Variants in TBC1D15 observed in about 807,000 individuals in gnomAD.
TBC1D15 encodes the protein GAP for RAB7.
TBC1D15 carries 39 observed loss-of-function variants against 95.4 expected under a neutral mutation model. The ratio of observed to expected loss-of-function variants is 0.41; its 90% CI spans 0.32 to 0.53. The LOEUF is 0.53. Ranked by LOEUF, TBC1D15 falls within the 20% of genes least tolerant of loss-of-function variation. TBC1D15 has a pLI of 0.29. For synonymous variants in TBC1D15, 258 were observed against 261.3 expected, an observed-to-expected ratio of 0.99 and a Z score of 0.12; for missense variants, 733 against 794.3, an observed-to-expected ratio of 0.92 and a Z score of 0.93.
chr12:71,905,848 T>G (rs1471485973), intron 10 of TBC1D15, among the ~76,000 whole-genome samples: 1 of 152,092 alleles, frequency 6.6e-6, no homozygotes, highest in African/African-American at 2.4e-5. Context: ...TAGATTCTAC[T>G]CTGTTGTATC....
intron 1 of TBC1D15, chr12:71,850,221 G>A: frequency 1.8e-6 from 1 of 563,420 alleles, no homozygotes. Flanking sequence ...CTAACTCTTG[G>A]TATAACTCAG....
chr12:71,851,751 C>G (rs539340155), intron 1 of TBC1D15, among the ~76,000 whole-genome samples: 1 of 152,222 alleles, frequency 6.6e-6, no homozygotes, highest in African/African-American at 2.4e-5. Flanking sequence ...CCAGGGCACA[C>G]TGATGCAAGG....
At chr12:71,877,563 T>C (rs77881263) in intron 3 of TBC1D15, among the ~76,000 whole-genome samples, 1,874 of 110,296 alleles carry the variant, frequency 0.017, 21 homozygotes, top group Non-Finnish European at 0.022. Context: ...TTCCTTCCTT[T>C]CTTCTTTTTC....
intron 5 of TBC1D15, among the ~76,000 whole-genome samples, chr12:71,886,231 C>T (rs749333396): frequency 3.9e-5 from 6 of 152,066 alleles, no homozygotes; most frequent in Non-Finnish European, 7.4e-5. Flanking sequence ...TGCAGTGGTG[C>T]GATCTTGGCT....
chr12:71,913,771 C>A, intron 11 of TBC1D15, 55 bp from the exon 12 acceptor site: 1 of 1,235,866 alleles, frequency 8.1e-7, no homozygotes, highest in Non-Finnish European at 1.1e-6. Context: ...GCACAACTTG[C>A]AGAAGGTTAC....
At position 71,896,018 on chromosome 12, in the gene TBC1D15, T is replaced by C. The variant is rs774266481; in HGVS notation, c.927T>C (p.Ile309=). ...CACTGGAAGAATGGACTAAGAACAT[T>C]GATTCTGAAGGAAGAATTTTAAATG... ...PVSLEEWTKN[I]DSEGRILNVD... The change falls in exon 8 of 17, where the codon ATT becomes ATC. Residue 309 remains isoleucine (I), a synonymous_variant. Coordinates refer to ENST00000485960, the MANE Select transcript of TBC1D15 (RefSeq NM_001146213.3). The C allele has an allele frequency of 6.2e-6, 10 of 1,612,596 alleles. No individual in the cohort carries two copies. The South Asian group carries it at 8.8e-5, about 14-fold the overall frequency.
At chr12:71,857,648 T>G (rs1183415233) in intron 1 of TBC1D15, among the ~76,000 whole-genome samples, 1 of 152,250 alleles carries the variant, frequency 6.6e-6, no homozygotes, top group Non-Finnish European at 1.5e-5. Flanking sequence ...GTATATAATG[T>G]GTAATCAAAT....
At chr12:71,913,660 C>T in intron 11 of TBC1D15, 166 bp from the exon 12 acceptor site, 1 of 534,904 alleles carries the variant, frequency 1.9e-6, no homozygotes, top group Non-Finnish European at 3.2e-6. Context: ...GACTAGAGTT[C>T]CTCCTCTTCA....
At chr12:71,902,935 C>T (rs1239654571) in intron 10 of TBC1D15, among the ~76,000 whole-genome samples, 2 of 151,812 alleles carry the variant, frequency 1.3e-5, no homozygotes, top group African/African-American at 2.4e-5. Context: ...TTTTTTGAGA[C>T]GGAGTCTCGC....
intron 12 of TBC1D15, among the ~76,000 whole-genome samples, chr12:71,916,769 C>G (rs1903806737): frequency 6.6e-6 from 1 of 152,086 alleles, no homozygotes; most frequent in African/African-American, 2.4e-5. Flanking sequence ...CCCCTTGACT[C>G]AGGTGTTGGT....
Position 71,853,441 on chromosome 12 carries a change from G to A in TBC1D15, c.30+13630G>A, listed in dbSNP as rs140746677. ...CTCCCAGAGTGCTGGGATTACAGGC[G>A]TGAGCCACTGCACCTGGCCGAGTTG... On this transcript the variant is annotated intron_variant, in intron 1 of 16. Coordinates refer to ENST00000485960, the MANE Select transcript of TBC1D15 (RefSeq NM_001146213.3). 8.5e-4 allele frequency among the ~76,000 whole-genome samples: 130 copies of A among 152,280 alleles called. 1 individual carries two copies. In the East Asian group the frequency reaches 0.02, roughly 24 times the overall value.
intron 10 of TBC1D15, among the ~76,000 whole-genome samples, chr12:71,902,872 A>G (rs1266313503): frequency 6.6e-6 from 1 of 152,162 alleles, no homozygotes; most frequent in Non-Finnish European, 1.5e-5. Flanking sequence ...ACTCAAATCA[A>G]CAAGCAAAAA....
chr12:71,923,437 A>G lies in TBC1D15; in HGVS notation c.*233A>G, dbSNP rs1870178347. ...ACATTCCTCAGTATTTTTATAGCCAAGTACATTTTATTTTCTTGCTGATGA... is the reference window on the plus strand; with the variant it reads ...ACATTCCTCAGTATTTTTATAGCCAGGTACATTTTATTTTCTTGCTGATGA... On this transcript the variant is annotated 3_prime_UTR_variant, in exon 17 of 17. Transcript: ENST00000485960. The G allele has an allele frequency of 2.4e-6, 1 of 417,306 alleles. No homozygotes were observed. The allele number at this position is 417,306 out of a possible 1,614,324, so 25.9% of individuals were successfully genotyped here.
intron 6 of TBC1D15, chr12:71,894,412 G>A: frequency 1.3e-6 from 2 of 1,594,726 alleles, no homozygotes; most frequent in Non-Finnish European, 1.7e-6. Context: ...TATGCAGATT[G>A]AGTGAAGCCT....
chr12:71,884,817 C>G lies in TBC1D15; in HGVS notation c.350C>G (p.Pro117Arg), dbSNP rs1347731806. ...KRKPHTNGDAPSHRNGKSKWS... is the reference protein window; with the variant it reads ...KRKPHTNGDARSHRNGKSKWS... ...CCACTTTCTTGTTTTTAAGATGCTC[C>G]AAGTCATAGAAATGGGAAAAGCAAA... Residue 117 changes from proline (P) to arginine (R), a missense_variant, in exon 5 of 17, where the codon CCA becomes CGA. Coordinates refer to ENST00000485960, the MANE Select transcript of TBC1D15 (RefSeq NM_001146213.3). The G allele has an allele frequency of 4.3e-6, 7 of 1,613,758 alleles. No individual in the cohort carries two copies. Among genetic ancestry groups the G allele is most frequent in the Non-Finnish European group, 5.9e-6 (7 of 1,179,868 alleles).
At chr12:71,902,204 A>T (rs141068151) in intron 10 of TBC1D15, among the ~76,000 whole-genome samples, 2,261 of 152,304 alleles carry the variant, frequency 0.015, 58 homozygotes, top group African/African-American at 0.052. Context: ...TCAAACTACC[A>T]ATGACATTTT....
At chr12:71,854,636 G>A (rs1280715046) in intron 1 of TBC1D15, 1 of 456,480 alleles carries the variant, frequency 2.2e-6, no homozygotes, top group East Asian at 6.9e-5. Flanking sequence ...GTAGATGTTT[G>A]GATAGCTGAA....
chr12:71,895,553 A>C (rs1285085168), intron 7 of TBC1D15, among the ~76,000 whole-genome samples: 1 of 152,122 alleles, frequency 6.6e-6, no homozygotes, highest in Admixed American at 6.6e-5. Context: ...AATTTTTAGA[A>C]TATGATTAAT....
At chr12:71,898,396 T>C (rs1898643064) in intron 10 of TBC1D15, among the ~76,000 whole-genome samples, 1 of 152,102 alleles carries the variant, frequency 6.6e-6, no homozygotes. Context: ...TCTTTAAATA[T>C]ACATATATTT....
Sources: allele counts gnomAD v4.1 joint callset (sites outside exome capture counted in the v4.1 genomes callset), GRCh38; gene constraint gnomAD v4.1.1; transcripts MANE v1.5; gene names NCBI Gene and HGNC (gene_info 2026-07-23, HGNC 2026-07-21).